Variants in IQUB observed in about 807,000 individuals in gnomAD.
IQUB encodes IQ motif and ubiquitin domain containing.
Under a neutral mutation model 86.4 loss-of-function variants are expected in IQUB, and 86 were observed. The observed-to-expected ratio is 1.00, with a 90% confidence interval of 0.84 to 1.19. IQUB has a LOEUF of 1.19. Among genes scored for constraint, IQUB ranks in the 50% most tolerant of loss-of-function variants. The pLI, the probability that IQUB is intolerant of heterozygous loss-of-function variation, is 0.00. For synonymous variants in IQUB, 289 were observed against 304.5 expected (o/e 0.95, Z 0.53); for missense variants, 946 against 916.9 (o/e 1.03, Z -0.41).
intron 7 of IQUB, among the ~76,000 whole-genome samples, chr7:123,483,575 T>C (rs1795095922): frequency 1.3e-5 from 2 of 152,116 alleles, no homozygotes; most frequent in Admixed American, 6.6e-5. Context: ...ACACTGGTTC[T>C]ATGGTTCATA....
chr7:123,508,327 TG>T (rs1796279348), intron 3 of IQUB, among the ~76,000 whole-genome samples: 2 of 152,366 alleles, frequency 1.3e-5, no homozygotes, highest in South Asian at 4.1e-4. Flanking sequence ...TTGGATTTTT[TG>T]CCTCCAGAAC....
chr7:123,479,655 C>A (rs1794904962), intron 8 of IQUB, 140 bp downstream of exon 8: 2 of 651,732 alleles, frequency 3.1e-6, no homozygotes, highest in South Asian at 2.2e-5. Context: ...AAAAATAAAT[C>A]AAATTTTAAG....
chr7:123,522,068 G>T (rs1457367371), intron 1 of IQUB, among the ~76,000 whole-genome samples: 4 of 152,110 alleles, frequency 2.6e-5, no homozygotes, highest in African/African-American at 9.7e-5. Context: ...TCCTGTGGGT[G>T]TGACAAAAAT....
At chr7:123,519,910 C>T (rs2117311792) in intron 1 of IQUB, among the ~76,000 whole-genome samples, 1 of 152,192 alleles carries the variant, frequency 6.6e-6, no homozygotes. Flanking sequence ...TAAATATGTA[C>T]AATTATGTAT....
intron 7 of IQUB, among the ~76,000 whole-genome samples, chr7:123,483,205 C>G (rs1584585200): frequency 6.6e-6 from 1 of 152,070 alleles, no homozygotes; most frequent in African/African-American, 2.4e-5. Flanking sequence ...CTTCCATCCA[C>G]AGAGGTTTAC....
chr7:123,510,588 A>G (rs933013772), intron 2 of IQUB, among the ~76,000 whole-genome samples: 1 of 152,186 alleles, frequency 6.6e-6, no homozygotes, highest in Non-Finnish European at 1.5e-5. Flanking sequence ...ACTGTTTTAC[A>G]TCTACAGACT....
intron 1 of IQUB, among the ~76,000 whole-genome samples, chr7:123,515,804 G>C (rs1562871471): frequency 1.3e-5 from 2 of 152,160 alleles, no homozygotes; most frequent in Non-Finnish European, 2.9e-5. Flanking sequence ...CAACAACATG[G>C]ATGAAACTCA....
At chr7:123,493,721 A>ATG (rs753344642) in intron 7 of IQUB, among the ~76,000 whole-genome samples, 5,616 of 128,050 alleles carry the variant, frequency 0.044, 126 homozygotes, top group Middle Eastern at 0.057. Flanking sequence ...CCTGAGAGAA[A>ATG]TGTGTGTGTA....
At chr7:123,470,999 G>A (rs1386592276) in intron 8 of IQUB, among the ~76,000 whole-genome samples, 1 of 152,154 alleles carries the variant, frequency 6.6e-6, no homozygotes, top group African/African-American at 2.4e-5. Context: ...AACTATATTT[G>A]ATATATTCTC....
intron 1 of IQUB, among the ~76,000 whole-genome samples, chr7:123,525,072 G>T (rs1449523095): frequency 6.6e-6 from 1 of 152,192 alleles, no homozygotes; most frequent in Non-Finnish European, 1.5e-5. Context: ...TGTTGGATAA[G>T]CTTTTTCATG....
chr7:123,471,627 T>C (rs1794524955), intron 8 of IQUB, among the ~76,000 whole-genome samples: 2 of 146,360 alleles, frequency 1.4e-5, no homozygotes, highest in South Asian at 4.4e-4. Context: ...GATTTAACTC[T>C]GTTTTCCCCC....
chr7:123,455,854 G>A (rs1406856668), intron 12 of IQUB, among the ~76,000 whole-genome samples: 1 of 152,064 alleles, frequency 6.6e-6, no homozygotes. Flanking sequence ...TTCCTACTTT[G>A]GCCAGTGTGC....
At chr7:123,515,054 T>G (rs1796580253) in intron 1 of IQUB, among the ~76,000 whole-genome samples, 1 of 152,000 alleles carries the variant, frequency 6.6e-6, no homozygotes. Context: ...CAAAGCTCAA[T>G]TTTAAAAAAA....
intron 7 of IQUB, among the ~76,000 whole-genome samples, chr7:123,492,869 C>T (rs1466374387): frequency 6.6e-6 from 1 of 152,162 alleles, no homozygotes; most frequent in Non-Finnish European, 1.5e-5. Flanking sequence ...TCTAGCTGTT[C>T]ACTTCAAGCT....
At chr7:123,529,763 C>T (rs1431957952) in intron 1 of IQUB, among the ~76,000 whole-genome samples, 4 of 134,502 alleles carry the variant, frequency 3.0e-5, no homozygotes, top group Middle Eastern at 5.2e-3. Flanking sequence ...AGGCTAGGTG[C>T]GGTGGCTCAT....
chr7:123,509,074 T>A (rs556143430), intron 3 of IQUB, among the ~76,000 whole-genome samples: 33 of 152,336 alleles, frequency 2.2e-4, no homozygotes, highest in Non-Finnish European at 2.6e-4. Flanking sequence ...TAGATTTTTT[T>A]AAATAATTTG....
chr7:123,469,478 GT>G (rs1563434978), intron 8 of IQUB, 94 bp from the exon 9 acceptor site: 4 of 602,478 alleles, frequency 6.6e-6, no homozygotes, highest in Middle Eastern at 4.8e-4. Flanking sequence ...TTAATATCAT[GT>G]GCTTTATAAC....
chr7:123,528,811 A>G (rs1469826415), intron 1 of IQUB, among the ~76,000 whole-genome samples: 1 of 152,250 alleles, frequency 6.6e-6, no homozygotes, highest in African/African-American at 2.4e-5. Flanking sequence ...AGAGTAAAAA[A>G]TATTCAGCAG....
chr7:123,454,877 CT>C (rs746473843), intron 12 of IQUB, among the ~76,000 whole-genome samples: 63 of 142,506 alleles, frequency 4.4e-4, no homozygotes, highest in Non-Finnish European at 1.1e-4. Context: ...TGCTGTTAAT[CT>C]TGATTACCTG....
Sources: gnomAD v4.1 joint callset for allele counts (sites outside exome capture counted in the v4.1 genomes callset) on GRCh38, gnomAD v4.1.1 for gene constraint, MANE v1.5 for transcripts, NCBI Gene and HGNC (gene_info 2026-07-23, HGNC 2026-07-21) for gene names.